Variants in STIM1 observed in about 807,000 individuals in gnomAD.
STIM1 encodes stromal interaction molecule 1.
In STIM1, 25 loss-of-function variants were observed where a neutral mutation model predicts 74.7. The ratio of observed to expected loss-of-function variants is 0.33; its 90% confidence interval spans 0.24 to 0.47. The LOEUF (loss-of-function observed/expected upper bound fraction) is 0.47, where lower values mean the gene tolerates loss of function less well. STIM1 is among the 20% of genes least tolerant of loss of function. STIM1 has a pLI of 1.00. For synonymous variants in STIM1, 328 were observed against 348.8 expected (o/e 0.94, Z 0.66); for missense variants, 728 against 920.8 (o/e 0.79, Z 2.71).
chr11:4,083,102 T>C, intron 9 of STIM1, 120 bp downstream of exon 9: 1 of 1,167,002 alleles, frequency 8.6e-7, no homozygotes, highest in Admixed American at 1.8e-5. Flanking sequence ...TCTGGTCTCC[T>C]GCCTCAGCCT....
At chr11:3,981,093 G>A (rs1044549271) in intron 2 of STIM1, among the ~76,000 whole-genome samples, 3 of 152,034 alleles carry the variant, frequency 2.0e-5, no homozygotes, top group African/African-American at 4.8e-5. Flanking sequence ...TGCCTCCCAG[G>A]TTCCGATGAT....
chr11:3,972,736 G>A (rs2093408596), intron 2 of STIM1: 1 of 453,412 alleles, frequency 2.2e-6, no homozygotes, highest in Non-Finnish European at 4.4e-6. Flanking sequence ...TCACAAATCT[G>A]TTGTAACCTG....
At chr11:3,911,671 C>T (rs760913512) in intron 1 of STIM1, among the ~76,000 whole-genome samples, 1 of 152,020 alleles carries the variant, frequency 6.6e-6, no homozygotes, top group African/African-American at 2.4e-5. Flanking sequence ...GAGCCACCAC[C>T]CCTGGCTTGC....
At chr11:3,916,769 G>A (rs1490248434) in intron 1 of STIM1, among the ~76,000 whole-genome samples, 5 of 151,950 alleles carry the variant, frequency 3.3e-5, no homozygotes, top group Admixed American at 1.3e-4. Flanking sequence ...TGTATTTTTA[G>A]TAGAGACGGG....
chr11:3,954,651 G>A (rs1027342883), intron 1 of STIM1, among the ~76,000 whole-genome samples: 1 of 152,190 alleles, frequency 6.6e-6, no homozygotes, highest in Admixed American at 6.5e-5. Context: ...GAGATCAGCA[G>A]CATGAGTCAG....
chr11:3,992,256 A>C (rs1404209918), intron 2 of STIM1, among the ~76,000 whole-genome samples: 1 of 150,964 alleles, frequency 6.6e-6, no homozygotes, highest in African/African-American at 2.4e-5. Flanking sequence ...AAAAAAAAAA[A>C]CACAAAAATT....
intron 8 of STIM1, 22 bp downstream of exon 8, chr11:4,082,373 T>G (rs779643074): frequency 6.3e-7 from 1 of 1,591,112 alleles, no homozygotes; most frequent in Non-Finnish European, 8.6e-7. Context: ...CCTTCTATTG[T>G]CCTCTTTTCT....
intron 1 of STIM1, among the ~76,000 whole-genome samples, chr11:3,908,981 G>T (rs1252036050): frequency 1.3e-5 from 2 of 152,274 alleles, no homozygotes; most frequent in East Asian, 3.9e-4. Flanking sequence ...GGGGTTTTAT[G>T]ATGATTTGGA....
intron 2 of STIM1, among the ~76,000 whole-genome samples, chr11:3,993,848 A>G (rs933607180): frequency 6.6e-6 from 1 of 152,036 alleles, no homozygotes; most frequent in African/African-American, 2.4e-5. Flanking sequence ...CATCATCTGG[A>G]TTTTATTATT....
intron 2 of STIM1, among the ~76,000 whole-genome samples, chr11:3,970,521 T>G (rs1158759980): frequency 2.6e-5 from 4 of 151,400 alleles, no homozygotes; most frequent in Non-Finnish European, 5.9e-5. Context: ...CCTGGTTCTT[T>G]TGGCCATTGA....
At chr11:4,034,329 C>A (rs532174122) in intron 3 of STIM1, among the ~76,000 whole-genome samples, 48 of 152,012 alleles carry the variant, frequency 3.2e-4, no homozygotes, top group African/African-American at 1.1e-3. Flanking sequence ...TTGCTGAGAG[C>A]CTTTATCAGG....
chr11:4,018,220 CG>C (rs2093917779), intron 2 of STIM1, among the ~76,000 whole-genome samples: 1 of 151,018 alleles, frequency 6.6e-6, no homozygotes, highest in Admixed American at 6.6e-5. Flanking sequence ...GAGGCCGAGG[CG>C]GGTGGATCAT....
At chr11:3,938,174 G>A (rs2092959188) in intron 1 of STIM1, among the ~76,000 whole-genome samples, 1 of 152,118 alleles carries the variant, frequency 6.6e-6, no homozygotes, top group Non-Finnish European at 1.5e-5. Context: ...CTGACCTCAA[G>A]TGATCCACCT....
At chr11:3,929,143 G>A (rs190498473) in intron 1 of STIM1, among the ~76,000 whole-genome samples, 249 of 152,320 alleles carry the variant, frequency 1.6e-3, no homozygotes, top group Non-Finnish European at 2.8e-3. Context: ...ACATCTGGCC[G>A]ATGATTCTTG....
At chr11:3,991,969 A>G (rs1292842638) in intron 2 of STIM1, among the ~76,000 whole-genome samples, 3 of 108,756 alleles carry the variant, frequency 2.8e-5, no homozygotes, top group Non-Finnish European at 4.1e-5. Context: ...AAAAAAAAAA[A>G]AAAGAAAAAA....
chr11:4,009,631 T>A (rs1403811485), intron 2 of STIM1, among the ~76,000 whole-genome samples: 1 of 151,192 alleles, frequency 6.6e-6, no homozygotes, highest in East Asian at 1.9e-4. Flanking sequence ...ATAATAATAA[T>A]AATAAATAAA....
rs765987346 is a variant in STIM1 at position 4,074,528 on chromosome 11, G to A, written c.818G>A (p.Arg273His). Residue 273 changes from arginine (R) to histidine (H), a missense_variant, in exon 7 of 13, where the codon CGC becomes CAC. Around this residue, in one of 5 missense-constraint regions of STIM1, gnomAD observed 131 missense variants for 235.9 expected, o/e 0.56. Transcript: ENST00000526596. ...ERLHKAQEEH[R>H]TVEVEKVHLE... ...CTGCACAAGGCCCAGGAGGAGCACC[G>A]CACAGTGGAGGTGGAGAAGGTCCAT... 6 of 1,613,884 alleles carry A rather than the reference G, an allele frequency of 3.7e-6. No individual in the cohort carries two copies. The highest frequency in any genetic ancestry group is 2.2e-5 in the East Asian group (1 of 44,894).
At chr11:4,032,350 G>A (rs551126554) in intron 3 of STIM1, among the ~76,000 whole-genome samples, 6 of 152,322 alleles carry the variant, frequency 3.9e-5, no homozygotes, top group African/African-American at 1.2e-4. Flanking sequence ...CAAGTTGTTT[G>A]TATAAGTGTG....
At chr11:3,895,699 T>C (rs55989333) in intron 1 of STIM1, among the ~76,000 whole-genome samples, 1,301 of 31,680 alleles carry the variant, frequency 0.041, 75 homozygotes, top group Non-Finnish European at 0.045. Context: ...TCTTTCTTTC[T>C]TTCTTTCTTT....
Sources: gnomAD v4.1 joint callset for allele counts (sites outside exome capture counted in the v4.1 genomes callset) on GRCh38, gnomAD v4.1.1 for gene constraint, gnomAD v4.1.1 regional missense constraint, MANE v1.5 for transcripts, NCBI Gene and HGNC (gene_info 2026-07-23, HGNC 2026-07-21) for gene names.